SAMMSON: variants seen among roughly 807,000 people sequenced by gnomAD.
The protein encoded by SAMMSON is long intergenic non-protein coding RNA 1212.
intron 3 of SAMMSON, among the ~76,000 whole-genome samples, chr3:70,017,739 T>G (rs952980027): frequency 1.3e-5 from 2 of 152,158 alleles, no homozygotes; most frequent in Non-Finnish European, 2.9e-5. Context: ...ATAGCTCTTA[T>G]TATTTTGAGA....
intron 4 of SAMMSON, among the ~76,000 whole-genome samples, chr3:70,193,355 G>A (rs75551287): frequency 0.027 from 4,183 of 152,252 alleles, 73 homozygotes; most frequent in South Asian, 0.063. Flanking sequence ...ATGCAGTGGC[G>A]TAATCATGGC....
At chr3:70,015,974 T>C (rs1038206549) in intron 3 of SAMMSON, among the ~76,000 whole-genome samples, 10 of 152,206 alleles carry the variant, frequency 6.6e-5, no homozygotes, top group Non-Finnish European at 2.9e-5. Context: ...TGATGGACAT[T>C]TGGGTTGGTT....
At chr3:70,003,869 T>G (rs1261113423) in intron 1 of SAMMSON, among the ~76,000 whole-genome samples, 2 of 152,106 alleles carry the variant, frequency 1.3e-5, no homozygotes, top group Admixed American at 6.6e-5. Context: ...TTATTTTGGC[T>G]TCATTGGGAA....
At chr3:70,393,755 T>C (rs898313660), downstream of SAMMSON, among the ~76,000 whole-genome samples, 1 of 152,038 alleles carries the variant, frequency 6.6e-6, no homozygotes, top group Admixed American at 6.6e-5. Flanking sequence ...TAAACTTCAC[T>C]GTTCTGTCTC....
intron 6 of SAMMSON, among the ~76,000 whole-genome samples, chr3:70,251,032 A>G (rs1701761432): frequency 6.6e-6 from 1 of 152,234 alleles, no homozygotes; most frequent in African/African-American, 2.4e-5. Flanking sequence ...GCCTTTCCAG[A>G]GAGACTTAGA....
intron 9 of SAMMSON, among the ~76,000 whole-genome samples, chr3:70,386,749 A>G (rs1703125950): frequency 6.6e-6 from 1 of 152,078 alleles, no homozygotes; most frequent in African/African-American, 2.4e-5. Flanking sequence ...TATTTGCTAG[A>G]CCTTTTTATT....
chr3:70,290,162 T>G (rs1010212805), intron 6 of SAMMSON, among the ~76,000 whole-genome samples: 38 of 152,224 alleles, frequency 2.5e-4, no homozygotes, highest in African/African-American at 9.1e-4. Flanking sequence ...CCAGTTTTTC[T>G]GTTCTGTTTT....
At chr3:70,281,532 G>C (rs1040311586) in intron 6 of SAMMSON, among the ~76,000 whole-genome samples, 1 of 152,112 alleles carries the variant, frequency 6.6e-6, no homozygotes, top group Non-Finnish European at 1.5e-5. Flanking sequence ...GTGATAAAAT[G>C]AGATCATATA....
At chr3:70,028,452 T>C (rs2067051541) in intron 3 of SAMMSON, among the ~76,000 whole-genome samples, 1 of 152,104 alleles carries the variant, frequency 6.6e-6, no homozygotes, top group Admixed American at 6.6e-5. Flanking sequence ...TGGGGAGAAT[T>C]TGTGGCTGTG....
intron 9 of SAMMSON, among the ~76,000 whole-genome samples, chr3:70,379,663 G>A (rs1002715820): frequency 7.2e-5 from 11 of 152,162 alleles, no homozygotes; most frequent in African/African-American, 2.7e-4. Context: ...AAATGCCCTT[G>A]AAGGGGCTGA....
intron 3 of SAMMSON, among the ~76,000 whole-genome samples, chr3:70,028,639 A>T (rs897776386): frequency 1.1e-4 from 17 of 152,318 alleles, no homozygotes; most frequent in African/African-American, 3.8e-4. Flanking sequence ...TTGGTAGAAG[A>T]CATTCCTTTG....
intron 4 of SAMMSON, among the ~76,000 whole-genome samples, chr3:70,153,978 T>C (rs1235193182): frequency 6.6e-6 from 1 of 152,040 alleles, no homozygotes; most frequent in Non-Finnish European, 1.5e-5. Context: ...GTCTGACTTA[T>C]TTCACTTAGC....
At chr3:70,280,326 C>T (rs756435055) in intron 6 of SAMMSON, among the ~76,000 whole-genome samples, 14 of 152,270 alleles carry the variant, frequency 9.2e-5, no homozygotes, top group Middle Eastern at 3.4e-3. Context: ...GTCACATCTA[C>T]GAAGACCCTT....
intron 4 of SAMMSON, chr3:70,084,816 A>G (rs2067279734): frequency 6.6e-6 from 1 of 152,238 alleles, no homozygotes; most frequent in Admixed American, 6.5e-5. Context: ...TTAATTTGCA[A>G]GCAATTTTGT....
chr3:70,317,856 G>A (rs1702505929), intron 7 of SAMMSON, among the ~76,000 whole-genome samples: 1 of 151,510 alleles, frequency 6.6e-6, no homozygotes. Context: ...ACCCTCTTAA[G>A]CTTTCATTTG....
intron 7 of SAMMSON, among the ~76,000 whole-genome samples, chr3:70,319,858 T>C (rs368472643): frequency 1.3e-4 from 20 of 152,196 alleles, no homozygotes; most frequent in African/African-American, 4.6e-4. Context: ...TGGTATATTA[T>C]TGCCTCAGTT....
chr3:70,079,789 T>G (rs1576116637), intron 4 of SAMMSON, among the ~76,000 whole-genome samples: 1 of 152,132 alleles, frequency 6.6e-6, no homozygotes, highest in African/African-American at 2.4e-5. Context: ...TGTACTAGAT[T>G]CTTCTTTTTC....
At chr3:70,391,350 A>G (rs1701046689), downstream of SAMMSON, among the ~76,000 whole-genome samples, 1 of 152,196 alleles carries the variant, frequency 6.6e-6, no homozygotes, top group Admixed American at 6.6e-5. Context: ...AGTCTTTACA[A>G]TCATGCCCTT....
At chr3:70,017,725 A>G (rs2066992080) in intron 3 of SAMMSON, among the ~76,000 whole-genome samples, 1 of 152,148 alleles carries the variant, frequency 6.6e-6, no homozygotes, top group South Asian at 2.1e-4. Flanking sequence ...TGGGTTTGTC[A>G]TAAATAGCTC....
Sources: allele counts gnomAD v4.1 joint callset (sites outside exome capture counted in the v4.1 genomes callset), GRCh38; gene constraint gnomAD v4.1.1; transcripts MANE v1.5; gene names NCBI Gene and HGNC (gene_info 2026-07-23, HGNC 2026-07-21).